ZFHX3: variants seen among roughly 807,000 people sequenced by gnomAD.
ZFHX3 encodes the protein zinc finger homeobox protein 3.
A neutral mutation model predicts 279.1 loss-of-function variants in ZFHX3; 42 were observed. The ratio of observed to expected loss-of-function variants is 0.15; its 90% CI spans 0.12 to 0.19. The LOEUF (loss-of-function observed/expected upper bound fraction) is 0.19. ZFHX3 is among the 10% of genes least tolerant of loss of function. The pLI is 1.00. For synonymous variants in ZFHX3, 2,293 were observed against 1,957.8 expected, an observed-to-expected ratio of 1.17 and a Z score of -4.52; for missense variants, 4,981 against 4,754.0, an observed-to-expected ratio of 1.05 and a Z score of -1.40.
chr16:73,364,117 G>T (rs2016485757), intron 3 of ZFHX3, among the ~76,000 whole-genome samples: 1 of 151,716 alleles, frequency 6.6e-6, no homozygotes, highest in Non-Finnish European at 1.5e-5. Context: ...AGGTTGCAGT[G>T]AGCCGAAATG....
chr16:72,821,163 C>A (rs549008904), intron 5 of ZFHX3, among the ~76,000 whole-genome samples: 13 of 152,260 alleles, frequency 8.5e-5, no homozygotes, highest in African/African-American at 2.9e-4. Context: ...CTTATCAGAA[C>A]CTTACAAACT....
chr16:72,979,069 A>G (rs1037524553), intron 1 of ZFHX3, among the ~76,000 whole-genome samples: 1 of 152,180 alleles, frequency 6.6e-6, no homozygotes, highest in Admixed American at 6.5e-5. Context: ...CAGCAAAGGA[A>G]AGCTGAGTGT....
At chr16:72,805,536 C>G (rs1162866356) in intron 7 of ZFHX3, among the ~76,000 whole-genome samples, 1 of 152,110 alleles carries the variant, frequency 6.6e-6, no homozygotes, top group African/African-American at 2.4e-5. Context: ...ACAGACCAAG[C>G]CAGTCTCTAC....
chr16:73,469,036 G>C (rs1003875431), intron 2 of ZFHX3, among the ~76,000 whole-genome samples: 13 of 152,166 alleles, frequency 8.5e-5, no homozygotes, highest in African/African-American at 3.1e-4. Context: ...AGAACTGGAG[G>C]CTTCCAACAA....
chr16:72,824,746 A>G (rs1427946955), intron 5 of ZFHX3, among the ~76,000 whole-genome samples: 1 of 152,240 alleles, frequency 6.6e-6, no homozygotes, highest in African/African-American at 2.4e-5. Flanking sequence ...CATTAATTGT[A>G]TATCACTTAA....
intron 1 of ZFHX3, among the ~76,000 whole-genome samples, chr16:73,022,631 A>C (rs1964341861): frequency 6.6e-6 from 1 of 152,136 alleles, no homozygotes; most frequent in African/African-American, 2.4e-5. Context: ...CCTACGGAGA[A>C]CCGCTGAAAC....
chr16:72,942,105 C>G (rs754464233), intron 3 of ZFHX3, among the ~76,000 whole-genome samples: 40 of 152,194 alleles, frequency 2.6e-4, no homozygotes, highest in Admixed American at 1.3e-4. Context: ...TATGATTTCC[C>G]TTTCAAAACA....
At chr16:72,818,189 A>C (rs2036670368) in intron 5 of ZFHX3, among the ~76,000 whole-genome samples, 1 of 152,198 alleles carries the variant, frequency 6.6e-6, no homozygotes, top group Admixed American at 6.5e-5. Flanking sequence ...TTCAGCTCAT[A>C]ATTATAATTA....
intron 5 of ZFHX3, among the ~76,000 whole-genome samples, chr16:73,249,784 TAACTC>T (rs2013426167): frequency 1.3e-5 from 2 of 150,650 alleles, no homozygotes; most frequent in African/African-American, 2.4e-5. Flanking sequence ...AAAACCCAGT[TAACTC>T]AAAGAAAAAT....
chr16:73,733,812 G>T (rs2053588123), intron 1 of ZFHX3, among the ~76,000 whole-genome samples: 1 of 152,114 alleles, frequency 6.6e-6, no homozygotes, highest in South Asian at 2.1e-4. Context: ...TTGTATACAA[G>T]AACACATTAA....
chr16:73,631,923 TCTCTCA>T (rs1441625737), intron 2 of ZFHX3, among the ~76,000 whole-genome samples: 5 of 101,908 alleles, frequency 4.9e-5, no homozygotes, highest in South Asian at 6.9e-4. Flanking sequence ...TCTCTCTCTC[TCTCTCA>T]CACACACACA....
chr16:73,502,887 A>C (rs1197719390), intron 2 of ZFHX3, among the ~76,000 whole-genome samples: 1 of 152,234 alleles, frequency 6.6e-6, no homozygotes, highest in Non-Finnish European at 1.5e-5. Context: ...AACTGAGGCA[A>C]GCTCAGTCTT....
intron 3 of ZFHX3, among the ~76,000 whole-genome samples, chr16:73,413,115 C>T (rs559271955): frequency 6.6e-6 from 1 of 152,144 alleles, no homozygotes; most frequent in Non-Finnish European, 1.5e-5. Context: ...TGAATGATAT[C>T]AGAGAAGGCC....
chr16:73,160,814 A>ACCGT lies in ZFHX3; in HGVS notation c.-1103-16987_-1103-16984dup, dbSNP rs571200970. On this transcript the variant is annotated intron_variant, in intron 5 of 17. Coordinates refer to the ZFHX3 transcript ENST00000641206. Reference sequence around the variant, plus strand: ...TTTAGACAGGATTTACAAGATAATTACCGTTTCCTTTAGAGGTACATAATA... The same window carrying ACCGT: ...TTTAGACAGGATTTACAAGATAATTACCGTCCGTTTCCTTTAGAGGTACATAATA... 1.5e-3 allele frequency among the ~76,000 whole-genome samples: 209 copies of ACCGT among 138,930 alleles called. 1 individual carries two copies. Among genetic ancestry groups the ACCGT allele is most frequent in the African/African-American group, 5.5e-3 (199 of 36,500 alleles). 91.1% of individuals were successfully genotyped at this position (138,930 alleles called of 152,430 possible).
chr16:73,734,009 C>T (rs373901228), intron 1 of ZFHX3, among the ~76,000 whole-genome samples: 224 of 152,228 alleles, frequency 1.5e-3, no homozygotes, highest in Admixed American at 3.1e-3. Context: ...GGGAAGGTTT[C>T]GGTATGAAAC....
intron 1 of ZFHX3, among the ~76,000 whole-genome samples, chr16:73,704,324 A>T (rs1567556364): frequency 1.3e-5 from 2 of 152,236 alleles, no homozygotes; most frequent in Non-Finnish European, 2.9e-5. Context: ...TCATTTGTTC[A>T]CCATGCAACT....
chr16:73,385,519 C>T (rs536710237), intron 3 of ZFHX3, among the ~76,000 whole-genome samples: 1 of 152,262 alleles, frequency 6.6e-6, no homozygotes, highest in Admixed American at 6.5e-5. Flanking sequence ...CAAAACAGTC[C>T]CGCAGTTTCA....
intron 1 of ZFHX3, among the ~76,000 whole-genome samples, chr16:73,026,845 C>T (rs1422340760): frequency 1.3e-5 from 2 of 152,116 alleles, no homozygotes; most frequent in Non-Finnish European, 2.9e-5. Context: ...CAGTGAAACA[C>T]AGGTAAAGGA....
intron 1 of ZFHX3, among the ~76,000 whole-genome samples, chr16:72,995,390 G>C (rs978828023): frequency 3.3e-5 from 5 of 152,048 alleles, no homozygotes; most frequent in Non-Finnish European, 7.4e-5. Context: ...AGTTCAGCAC[G>C]GACTTAATGA....
Sources: allele counts gnomAD v4.1 joint callset (sites outside exome capture counted in the v4.1 genomes callset), GRCh38; gene constraint gnomAD v4.1.1; transcripts MANE v1.5; gene names NCBI Gene and HGNC (gene_info 2026-07-23, HGNC 2026-07-21).